Variants in OR10G3 observed in about 807,000 individuals in gnomAD.
OR10G3 encodes the protein olfactory receptor 10G3.
In OR10G3, 8 loss-of-function variants were observed where a neutral mutation model predicts 13.4. The ratio of observed to expected loss-of-function variants is 0.60; its 90% CI spans 0.35 to 1.08. The LOEUF is 1.08. Among genes scored for constraint, OR10G3 ranks in the 50% least tolerant of loss-of-function variants. The pLI is 0.02. For synonymous variants in OR10G3, 142 were observed against 156.1 expected (o/e 0.91, Z 0.67); for missense variants, 393 against 386.6 (o/e 1.02, Z -0.14).
Position 21,578,777 on chromosome 14 carries a change from T to C in OR10G3, c.-18+1009A>G, listed in dbSNP as rs970917503. Among the ~76,000 whole-genome samples the C allele has an allele frequency of 1.1e-4, 17 of 152,100 alleles. 1 individual carries two copies. Among genetic ancestry groups the C allele is most frequent in the African/African-American group, 4.1e-4 (17 of 41,442 alleles). On this transcript the variant is annotated intron_variant, in intron 1 of 1. Coordinates refer to ENST00000641040, the MANE Select transcript of OR10G3 (RefSeq NM_001005465.2). ...TAATATAATTAATTTCTTTTTAAAA[T>C]AAATTTCACAATAAGACATATAAAA...
Position 21,569,845 on chromosome 14 carries a change from C to G in OR10G3, c.900G>C (p.Leu300=). The G allele has an allele frequency of 6.2e-7, 1 of 1,614,160 alleles. No individual in the cohort carries two copies. Among genetic ancestry groups the G allele is most frequent in the South Asian group, 1.1e-5 (1 of 91,072 alleles). ...TLRNQEVKLA[L]KRMLRSPRTP... ...TTCTTGGGCTTCTGAGCATTCTTTT[C>G]AGGGCCAGCTTCACCTCTTGGTTCC... Residue 300 remains leucine (L), a synonymous_variant, in exon 2 of 2, where the codon CTG becomes CTC. Transcript: ENST00000641040.
In OR10G3 at chr14:21,570,521, G is replaced by C. The variant is rs1049603511; in HGVS notation, c.224C>G (p.Ser75Cys). 3 of 1,614,170 alleles carry C rather than the reference G, an allele frequency of 1.9e-6. No homozygotes were observed. The highest frequency in any genetic ancestry group is 2.7e-5 in the African/African-American group (2 of 75,056). ...CATGAGGCGAGGGACAATGATGGAG[G>C]AGATGCTCATATCAATGACTGAGAG... Reference protein sequence around the residue: ...GVLSVIDMSISSIIVPRLMMN... With the variant: ...GVLSVIDMSICSIIVPRLMMN... Residue 75 changes from serine (S) to cysteine (C), a missense_variant, in exon 2 of 2, where the codon TCC becomes TGC. Ser to Cys is a moderately radical substitution (Grantham distance 112). Coordinates refer to ENST00000641040, the MANE Select transcript of OR10G3 (RefSeq NM_001005465.2).
intron 1 of OR10G3, among the ~76,000 whole-genome samples, chr14:21,579,279 C>T (rs1424364944): frequency 1.3e-5 from 2 of 152,014 alleles, no homozygotes; most frequent in African/African-American, 4.8e-5. Context: ...GAGTCTCTCT[C>T]TGTTGCCCAG....
rs1175143559 is a variant in OR10G3 at position 21,570,360 on chromosome 14, G to A, written c.385C>T (p.Gln129Ter). Reference protein sequence around the residue: ...MAYDRYLAICQPLRYPVLMTA... With the variant: ...MAYDRYLAIC ...ATGAGCACAGGGTAGCGCAGGGGCTGACATATTGCCAGGTACCTGTCATAG... is the reference window on the plus strand; with the variant it reads ...ATGAGCACAGGGTAGCGCAGGGGCTAACATATTGCCAGGTACCTGTCATAG... The change falls in exon 2 of 2, where the codon CAG (glutamine) becomes TAG (stop). Residue 129 changes from glutamine to a stop codon, truncating the protein, a stop_gained. Coordinates refer to ENST00000641040, the MANE Select transcript of OR10G3 (RefSeq NM_001005465.2). LOFTEE classifies it high-confidence loss of function. 1 of 1,614,186 alleles carries A rather than the reference G, an allele frequency of 6.2e-7. No individual in the cohort carries two copies. Among genetic ancestry groups the A allele is most frequent in the Admixed American group, 1.7e-5 (1 of 60,016 alleles).
At chr14:21,573,177 T>C (rs1487585239) in intron 1 of OR10G3, among the ~76,000 whole-genome samples, 2 of 152,196 alleles carry the variant, frequency 1.3e-5, no homozygotes, top group African/African-American at 4.8e-5. Flanking sequence ...AAGGAAATCC[T>C]GTCATTTGTG....
At chr14:21,572,928 A>G (rs1029301705) in intron 1 of OR10G3, among the ~76,000 whole-genome samples, 4 of 152,172 alleles carry the variant, frequency 2.6e-5, no homozygotes, top group Admixed American at 1.3e-4. Context: ...TTGTTCCACA[A>G]TGGGGAAAGG....
rs118145417 is a variant in OR10G3 at position 21,570,764 on chromosome 14, A to G, written c.-17-3T>C. The G allele has an allele frequency of 5.6e-3, 8,521 of 1,508,348 alleles. 35 individuals carry two copies. The highest frequency in any genetic ancestry group is 6.9e-3 in the Non-Finnish European group (7,697 of 1,121,404). The allele number at this position is 1,508,348 out of a possible 1,614,324, so 93.4% of individuals were successfully genotyped here. ...TTCCATATCCCAGAGAATCTTACCT[A>G]GAGAATGGACAAAACAAGAATTAAC... On this transcript the variant is annotated splice_polypyrimidine_tract_variant and splice_region_variant and intron_variant, in intron 1 of 1. Coordinates refer to ENST00000641040, the MANE Select transcript of OR10G3 (RefSeq NM_001005465.2).
intron 1 of OR10G3, among the ~76,000 whole-genome samples, chr14:21,571,396 T>C (rs1944626156): frequency 1.3e-5 from 2 of 151,008 alleles, no homozygotes; most frequent in Admixed American, 1.4e-4. Context: ...AGAATGACCA[T>C]GAAGCTGTAA....
At chr14:21,578,197 T>C (rs1876803043) in intron 1 of OR10G3, among the ~76,000 whole-genome samples, 1 of 152,004 alleles carries the variant, frequency 6.6e-6, no homozygotes, top group Admixed American at 6.6e-5. Context: ...GATCACCTGA[T>C]GTCAGGAGTT....
intron 1 of OR10G3, among the ~76,000 whole-genome samples, chr14:21,576,209 C>G (rs1893127543): frequency 6.6e-6 from 1 of 152,182 alleles, no homozygotes; most frequent in Non-Finnish European, 1.5e-5. Context: ...TCAGTTCACA[C>G]TATTCAAGTA....
In OR10G3 at chr14:21,572,010, G is replaced by A. The variant is rs199597343; in HGVS notation, c.-17-1249C>T. Among the ~76,000 whole-genome samples the A allele has an allele frequency of 1.7e-4, 26 of 151,744 alleles. No homozygotes were observed. In the East Asian group the frequency reaches 2.6e-3, roughly 15 times the overall value. On this transcript the variant is annotated intron_variant, in intron 1 of 1. Coordinates refer to ENST00000641040, the MANE Select transcript of OR10G3 (RefSeq NM_001005465.2). The stretch of plus-strand genomic sequence containing the variant: ...TTTTAACCTAAAGAAAAGGGTTGGC[G>A]GGTGGGCTCGGTGGCTTATGCCTGT...
chr14:21,575,193 C>G (rs375876866), intron 1 of OR10G3, among the ~76,000 whole-genome samples: 38 of 148,486 alleles, frequency 2.6e-4, no homozygotes, highest in African/African-American at 9.0e-4. Flanking sequence ...GCCATTCTCC[C>G]GCCTCAGCCT....
Position 21,570,045 on chromosome 14 carries a change from C to T in OR10G3, c.700G>A (p.Gly234Arg). ...CAAGTTGAAAAAGCCCGGCGCCGCC[C>T]ATCAGCTGTGTGGATTCTCAGGATG... ...QAILRIHTAD[G>R]RRRAFSTCGA... Residue 234 changes from glycine to arginine, a missense_variant, in exon 2 of 2, where the codon GGG becomes AGG. Gly to Arg is a moderately radical substitution (Grantham distance 125). Transcript: ENST00000641040. 1 of 1,614,238 alleles carries T rather than the reference C, an allele frequency of 6.2e-7. No homozygotes were observed. The highest frequency in any genetic ancestry group is 1.1e-5 in the South Asian group (1 of 91,080).
intron 1 of OR10G3, among the ~76,000 whole-genome samples, chr14:21,578,139 G>A (rs142218173): frequency 8.5e-5 from 13 of 152,158 alleles, no homozygotes; most frequent in South Asian, 2.1e-4. Flanking sequence ...GGCCGGTCGC[G>A]GTGGCTCATG....
In OR10G3 at chr14:21,575,738, C is replaced by G. The variant is rs186154722; in HGVS notation, c.-18+4048G>C. ...CTGCTGTACCCAAGCTCTTTCAGAG[C>G]TTAGCTCTCATCATTTAACCATCTC... On this transcript the variant is annotated intron_variant, in intron 1 of 1. Coordinates refer to ENST00000641040, the MANE Select transcript of OR10G3 (RefSeq NM_001005465.2). Among the ~76,000 whole-genome samples the G allele has an allele frequency of 1.2e-4, 19 of 152,266 alleles. No homozygotes were observed. In the East Asian group the frequency reaches 3.7e-3, roughly 29 times the overall value.
chr14:21,577,039 T>G (rs866684605), intron 1 of OR10G3, among the ~76,000 whole-genome samples: 1 of 150,836 alleles, frequency 6.6e-6, no homozygotes, highest in African/African-American at 2.4e-5. Context: ...TGTTAAGACC[T>G]TTCTCCCTGT....
At position 21,574,336 on chromosome 14, in the gene OR10G3, A is replaced by AT. The variant is rs199535575; in HGVS notation, c.-17-3576dup. ...AAAAAAAAAAAAAAGAAATTGATTG[A>AT]TTTTTTTTTCTCTGGACTGATTTCC... is the stretch of plus-strand genomic sequence containing the variant. On this transcript the variant is annotated intron_variant, in intron 1 of 1. Coordinates refer to ENST00000641040, the MANE Select transcript of OR10G3 (RefSeq NM_001005465.2). 3.4e-4 allele frequency among the ~76,000 whole-genome samples: 48 copies of AT among 142,334 alleles called. 1 individual carries two copies. The highest frequency in any genetic ancestry group is 9.2e-4 in the African/African-American group (36 of 39,040). 93.4% of individuals were successfully genotyped at this position (142,334 alleles called of 152,430 possible).
chr14:21,572,604 CAAACAAAA>C (rs1407158008), intron 1 of OR10G3, among the ~76,000 whole-genome samples: 1 of 22,972 alleles, frequency 4.4e-5, no homozygotes, highest in African/African-American at 1.5e-4. Context: ...CTCAAACAAA[CAAACAAAA>C]AAAAAAAAAA....
At chr14:21,574,724 G>C (rs1374482752) in intron 1 of OR10G3, 1 of 152,172 alleles carries the variant, frequency 6.6e-6, no homozygotes, top group Non-Finnish European at 1.5e-5. Context: ...GAGGCAGAAG[G>C]ATTGCTTAAG....
Sources: allele counts gnomAD v4.1 joint callset (sites outside exome capture counted in the v4.1 genomes callset), GRCh38; gene constraint gnomAD v4.1.1; transcripts MANE v1.5; gene names NCBI Gene and HGNC (gene_info 2026-07-23, HGNC 2026-07-21).